The following IRX1 variants were observed in gnomAD, a reference collection of about 807,000 sequenced individuals.
IRX1 encodes the protein iroquois-class homeodomain protein IRX-1.
Under a neutral mutation model 34.1 loss-of-function variants are expected in IRX1, and 22 were observed. The ratio of observed to expected loss-of-function variants is 0.64; its 90% CI spans 0.46 to 0.92. IRX1 has a LOEUF of 0.92. Ranked by LOEUF, IRX1 falls within the 40% of genes least tolerant of loss-of-function variation. The probability of loss-of-function intolerance (pLI) is 0.00; values close to 1 mark genes in which losing one functional copy is unlikely to be tolerated. For missense variants in IRX1, 758 were observed against 680.0 expected (o/e 1.11, Z -1.28); for synonymous variants, 363 against 319.0 (o/e 1.14, Z -1.47).
In IRX1 at chr5:3,600,679, C is replaced by G; in HGVS notation, c.1383C>G (p.Asp461Glu). 1 of 1,607,394 alleles carries G rather than the reference C, an allele frequency of 6.2e-7. No homozygotes were observed. Among genetic ancestry groups the G allele is most frequent in the Non-Finnish European group, 8.5e-7 (1 of 1,175,796 alleles). ...AGTCGCCCTTCCAGCCGGTACGCGA[C>G]AAGTGAGTGCTGTTTGCTTTTGCTA... is the stretch of plus-strand genomic sequence containing the variant. The part of the protein sequence containing the change: ...QLKSPFQPVR[D>E]NSLAPQEGTP... The change falls in exon 3 of 4, where the codon GAC becomes GAG. Residue 461 changes from aspartate (D) to glutamate (E), a missense_variant and splice_region_variant. Around this residue, in one of 3 missense-constraint regions of IRX1, gnomAD observed 529 missense variants for 418.8 expected, o/e 1.26. Coordinates refer to ENST00000302006, the MANE Select transcript of IRX1 (RefSeq NM_024337.4).
At chr5:3,596,507 G>GAACCTGCCCCC in intron 1 of IRX1, 126 bp downstream of exon 1, 1 of 1,025,984 alleles carries the variant, frequency 9.7e-7, no homozygotes, top group Non-Finnish European at 1.3e-6. Context: ...AAAGGTCCGG[G>GAACCTGCCCCC]GGCAGGTTCC....
Position 3,599,095 on chromosome 5 carries a change from G to A in IRX1, c.277-130G>A. ...GGAGAGCCCCGCAAAGCGCCTGGGA[G>A]GCCCTCGAGTCCATTGAAGCGGCTG... On this transcript the variant is annotated intron_variant, in intron 1 of 3. Coordinates refer to ENST00000302006, the MANE Select transcript of IRX1 (RefSeq NM_024337.4). The surrounding 1 kb of genome is among the most constrained non-coding windows in gnomAD (Gnocchi z 6.6). The A allele has an allele frequency of 1.1e-6, 1 of 917,276 alleles. No homozygotes were observed. 56.8% of individuals were successfully genotyped at this position (917,276 alleles called of 1,614,324 possible). A position where few individuals can be genotyped will look rare whatever the true frequency, so the allele number is the denominator to read the frequency against.
At chr5:3,597,041 T>C (rs538125085) in intron 1 of IRX1, among the ~76,000 whole-genome samples, 4 of 152,304 alleles carry the variant, frequency 2.6e-5, no homozygotes, top group African/African-American at 9.6e-5. Flanking sequence ...TCTGAAACGG[T>C]GTTTGATTTT....
At position 3,601,346 on chromosome 5, in the gene IRX1, G is replaced by A. The variant is rs752447436; in HGVS notation, c.*306G>A. The A allele has an allele frequency of 2.3e-6, 1 of 433,990 alleles. No homozygotes were observed. Among genetic ancestry groups the A allele is most frequent in the Non-Finnish European group, 4.2e-6 (1 of 238,646 alleles). 26.9% of individuals were successfully genotyped at this position (433,990 alleles called of 1,614,324 possible). On this transcript the variant is annotated 3_prime_UTR_variant, in exon 4 of 4. Transcript: ENST00000302006. ...AGAGTGGTTTCAGATTGTAAATAGC[G>A]CGTCAGCGAACTTGTCTAAATCATA...
chr5:3,600,822 CG>C (rs1561025685), intron 3 of IRX1, 141 bp downstream of exon 3: 1 of 1,144,498 alleles, frequency 8.7e-7, no homozygotes, highest in Non-Finnish European at 1.3e-6. Context: ...CAGCCCTGGG[CG>C]CCGGGCGAGC....
Position 3,599,203 on chromosome 5 carries a change from T to C in IRX1, c.277-22T>C, listed in dbSNP as rs532306018. On this transcript the variant is annotated intron_variant, in intron 1 of 3. Coordinates refer to ENST00000302006, the MANE Select transcript of IRX1 (RefSeq NM_024337.4). The surrounding 1 kb of genome is among the most constrained non-coding windows in gnomAD (Gnocchi z 6.6). Reference sequence around the variant, plus strand: ...CCACTTCCCTCCTCTCTCTCCTCGATGGATCTGCCCTGTGGCTTCAGGGCT... The same window carrying C: ...CCACTTCCCTCCTCTCTCTCCTCGACGGATCTGCCCTGTGGCTTCAGGGCT... 15 of 1,597,854 alleles carry C rather than the reference T, an allele frequency of 9.4e-6. No homozygotes were observed. In the African/African-American group the frequency reaches 1.5e-4, roughly 16 times the overall value.
At chr5:3,600,305 A>G (rs778965801) in intron 2 of IRX1, 45 bp downstream of exon 2, 2 of 1,490,134 alleles carry the variant, frequency 1.3e-6, no homozygotes, top group Non-Finnish European at 1.8e-6. Context: ...CTGGGAATGC[A>G]GAGGCCTGGC....
chr5:3,596,354 C>G lies in IRX1; in HGVS notation c.249C>G (p.Ala83=), dbSNP rs761551743. The part of the protein sequence containing the change: ...APNYSAFLPY[A]ADLSLFSQMG... ...ACTACAGCGCCTTCCTGCCCTACGC[C>G]GCGGATCTCAGCCTCTTCTCGCAGA... is the stretch of plus-strand genomic sequence containing the variant. Residue 83 remains alanine (A), a synonymous_variant, in exon 1 of 4, where the codon GCC becomes GCG. Coordinates refer to ENST00000302006, the MANE Select transcript of IRX1 (RefSeq NM_024337.4). The G allele has an allele frequency of 1.9e-6, 3 of 1,539,538 alleles. No individual in the cohort carries two copies. Among genetic ancestry groups the G allele is most frequent in the South Asian group, 1.2e-5 (1 of 82,858 alleles).
At position 3,599,463 on chromosome 5, in the gene IRX1, C is replaced by A; in HGVS notation, c.515C>A (p.Thr172Lys). Reference protein sequence around the residue: ...MLAIITKMTLTQVSTWFANAR... With the variant: ...MLAIITKMTLKQVSTWFANAR... ...GCCATCATCACCAAGATGACCCTCA[C>A]GCAGGTCTCCACCTGGTTCGCCAAC... is the stretch of plus-strand genomic sequence containing the variant. Residue 172 changes from threonine to lysine, a missense_variant, in exon 2 of 4, where the codon ACG (threonine) becomes AAG (lysine). By Grantham distance (78) the Thr-to-Lys change is moderately conservative. Transcript: ENST00000302006. The surrounding 1 kb of genome is among the most constrained non-coding windows in gnomAD (Gnocchi z 6.6). 1.2e-6 allele frequency: 2 copies of A among 1,614,096 alleles called. No individual in the cohort carries two copies. Among genetic ancestry groups the A allele is most frequent in the Non-Finnish European group, 1.7e-6 (2 of 1,180,034 alleles).
Position 3,601,319 on chromosome 5 carries a change from A to G in IRX1, c.*279A>G. ...TGTCTCTTTCCCCCCTTTTCTGTAT[A>G]TAGAGTGGTTTCAGATTGTAAATAG... On this transcript the variant is annotated 3_prime_UTR_variant, in exon 4 of 4. Transcript: ENST00000302006. 6.0e-6 allele frequency: 3 copies of G among 501,500 alleles called. No individual in the cohort carries two copies. The highest frequency in any genetic ancestry group is 4.5e-5 in the South Asian group (2 of 44,060). 31.1% of individuals were successfully genotyped at this position (501,500 alleles called of 1,614,324 possible).
At chr5:3,600,726 GGGGAGGA>G in intron 3 of IRX1, 45 bp downstream of exon 3, 1 of 1,555,436 alleles carries the variant, frequency 6.4e-7, no homozygotes, top group Non-Finnish European at 8.9e-7. Flanking sequence ...GGTGGGGAGG[GGGGAGGA>G]GGAGTGGTCG....
At position 3,596,206 on chromosome 5, in the gene IRX1, C is replaced by T; in HGVS notation, c.101C>T (p.Ala34Val). Residue 34 changes from alanine (A) to valine (V), a missense_variant, in exon 1 of 4, where the codon GCG becomes GTG. Physicochemically the swap from Ala to Val is moderately conservative, Grantham distance 64 (BLOSUM62 0). Coordinates refer to ENST00000302006, the MANE Select transcript of IRX1 (RefSeq NM_024337.4). ...GGGGTGCTGGCCGCGGCCGCTGCGG[C>T]GGCTGCCGCCGCCTCGTCGGGCCGA... ...RPGVLAAAAA[A>V]AAAASSGRPG... 9.5e-7 allele frequency: 1 copy of T among 1,051,500 alleles called. No individual in the cohort carries two copies. The allele number at this position is 1,051,500 out of a possible 1,614,324, so 65.1% of individuals were successfully genotyped here. A position where few individuals can be genotyped will look rare whatever the true frequency, so the allele number is the denominator to read the frequency against.
Position 3,600,980 on chromosome 5 carries a change from C to T in IRX1, c.1386-3C>T, listed in dbSNP as rs1429449692. ...TTCTTGTCTCGCTGTGTTTCCCATG[C>T]AGCTCTCTGGCCCCGCAGGAGGGAA... On this transcript the variant is annotated splice_polypyrimidine_tract_variant and splice_region_variant and intron_variant, in intron 3 of 3. Coordinates refer to ENST00000302006, the MANE Select transcript of IRX1 (RefSeq NM_024337.4). 6.2e-7 allele frequency: 1 copy of T among 1,613,126 alleles called. No homozygotes were observed. The highest frequency in any genetic ancestry group is 8.5e-7 in the Non-Finnish European group (1 of 1,179,664).
rs763796168 is a variant in IRX1 at position 3,599,882 on chromosome 5, G to C, written c.934G>C (p.Gly312Arg). Residue 312 changes from glycine (G) to arginine (R), a missense_variant, in exon 2 of 4, where the codon GGC (glycine) becomes CGC (arginine). By Grantham distance (125) the Gly-to-Arg change is moderately radical. This residue lies in a region of IRX1 where 529 missense variants were observed against 418.8 expected (regional missense o/e 1.26). Transcript: ENST00000302006. The surrounding 1 kb of genome is among the most constrained non-coding windows in gnomAD (Gnocchi z 6.6). ...GGGCGGCCTGCAGGGTGCGCCGCAC[G>C]GCAAGCCCAAGATCTGGTCGCTGGC... ...AAGGLQGAPH[G>R]KPKIWSLAET... is the part of the protein sequence containing the mutation. The C allele has an allele frequency of 5.1e-5, 76 of 1,496,960 alleles. No individual in the cohort carries two copies. The Middle Eastern group carries it at 1.1e-3, about 21-fold the overall frequency. 92.7% of individuals were successfully genotyped at this position (1,496,960 alleles called of 1,614,324 possible). A position where few individuals can be genotyped will look rare whatever the true frequency, so the allele number is the denominator to read the frequency against.
Position 3,596,388 on chromosome 5 carries a change from G to A in IRX1, c.276+7G>A, listed in dbSNP as rs1743696492. 6.6e-7 allele frequency: 1 copy of A among 1,514,846 alleles called. No individual in the cohort carries two copies. The highest frequency in any genetic ancestry group is 1.3e-5 in the South Asian group (1 of 79,908). The allele number at this position is 1,514,846 out of a possible 1,614,324, so 93.8% of individuals were successfully genotyped here. ...CAGCCTCTTCTCGCAGATGGTGAGT[G>A]CGCCCGGCCTCCCCCGCTTCTCCTC... On this transcript the variant is annotated splice_region_variant and intron_variant, in intron 1 of 3. Transcript: ENST00000302006.
rs1733965368 is a variant in IRX1, at chr5:3,601,343, A to T, written c.*303A>T. On this transcript the variant is annotated 3_prime_UTR_variant, in exon 4 of 4. Coordinates refer to ENST00000302006, the MANE Select transcript of IRX1 (RefSeq NM_024337.4). ...TATAGAGTGGTTTCAGATTGTAAAT[A>T]GCGCGTCAGCGAACTTGTCTAAATC... 2 of 439,358 alleles carry T rather than the reference A, an allele frequency of 4.6e-6. No individual in the cohort carries two copies. Among genetic ancestry groups the T allele is most frequent in the Admixed American group, 3.9e-5 (1 of 25,704 alleles). 27.2% of individuals were successfully genotyped at this position (439,358 alleles called of 1,614,324 possible). A position where few individuals can be genotyped will look rare whatever the true frequency, so the allele number is the denominator to read the frequency against.
chr5:3,600,556 A>T, intron 2 of IRX1, 53 bp from the exon 3 acceptor site: 1 of 1,503,434 alleles, frequency 6.7e-7, no homozygotes, highest in Non-Finnish European at 9.2e-7. Context: ...GAGGCCTGGG[A>T]CCTCTCCCGC....
Position 3,599,498 on chromosome 5 carries a change from C to T in IRX1, c.550C>T (p.Arg184Cys), listed in dbSNP as rs1733894836. The change falls in exon 2 of 4, where the codon CGC becomes TGC. Residue 184 changes from arginine (R) to cysteine (C), a missense_variant. Around this residue, in one of 3 missense-constraint regions of IRX1, gnomAD observed 34 missense variants for 66.2 expected, o/e 0.51. Transcript: ENST00000302006. This position sits in a 1 kb window ranked among gnomAD's most constrained non-coding sequence, Gnocchi z 6.6. The stretch of plus-strand genomic sequence containing the variant: ...CACCTGGTTCGCCAACGCGCGCCGG[C>T]GCCTCAAGAAGGAGAACAAGGTGAC... Reference protein sequence around the residue: ...VSTWFANARRRLKKENKVTWG... With the variant: ...VSTWFANARRCLKKENKVTWG... The T allele has an allele frequency of 6.2e-7, 1 of 1,614,016 alleles. No homozygotes were observed. The highest frequency in any genetic ancestry group is 1.1e-5 in the South Asian group (1 of 91,094).
intron 1 of IRX1, among the ~76,000 whole-genome samples, chr5:3,596,817 GT>G (rs1169352666): frequency 2.0e-5 from 3 of 152,142 alleles, no homozygotes; most frequent in Non-Finnish European, 2.9e-5. Flanking sequence ...GGCCTCTTTA[GT>G]TTTCGAACCG....
Sources: allele counts gnomAD v4.1 joint callset (sites outside exome capture counted in the v4.1 genomes callset), GRCh38; gene constraint gnomAD v4.1.1; regional missense constraint gnomAD v4.1.1; non-coding constraint Gnocchi (gnomAD v3.1); transcripts MANE v1.5; gene names NCBI Gene and HGNC (gene_info 2026-07-23, HGNC 2026-07-21).